CNNM4: variants seen among roughly 807,000 people sequenced by gnomAD.
CNNM4 encodes cyclin and CBS domain divalent metal cation transport mediator 4.
In CNNM4, 32 loss-of-function variants were observed where a neutral mutation model predicts 53.7. That is an observed-to-expected ratio of 0.60 (90% CI 0.45 to 0.80). The LOEUF (loss-of-function observed/expected upper bound fraction) is 0.80, where lower values mean the gene tolerates loss of function less well. Ranked by LOEUF, CNNM4 falls within the 30% of genes least tolerant of loss-of-function variation. The pLI is 0.00. For synonymous variants in CNNM4, 410 were observed against 440.0 expected (o/e 0.93, Z 0.85); for missense variants, 784 against 1,022.0 (o/e 0.77, Z 3.17).
Position 96,799,123 on chromosome 2 carries a change from A to C in CNNM4, c.1748A>C (p.Asp583Ala). 2 of 1,613,990 alleles carry C rather than the reference A, an allele frequency of 1.2e-6. No homozygotes were observed. The highest frequency in any genetic ancestry group is 1.7e-6 in the Non-Finnish European group (2 of 1,179,978). ...KILLRLLKYP[D>A]VIQELKFDEH... is the part of the protein sequence containing the mutation. ...CTGCTGCGGCTACTCAAGTACCCAG[A>C]TGTCATTCAGGAACTCAAGTTTGAC... Residue 583 changes from aspartate (D) to alanine (A), a missense_variant, in exon 4 of 7, where the codon GAT (aspartate) becomes GCT (alanine). This residue lies in a region of CNNM4 where 307 missense variants were observed against 376.3 expected (regional missense o/e 0.82). Transcript: ENST00000377075.
chr2:96,794,496 A>G (rs1000549607), intron 1 of CNNM4, among the ~76,000 whole-genome samples: 16 of 152,088 alleles, frequency 1.1e-4, no homozygotes, highest in Admixed American at 3.3e-4. Flanking sequence ...CTCTTTCACT[A>G]ATAGCGTATC....
At position 96,809,545 on chromosome 2, in the gene CNNM4, C is replaced by G. The variant is rs756548433; in HGVS notation, c.*28C>G. On this transcript the variant is annotated 3_prime_UTR_variant, in exon 7 of 7. Coordinates refer to ENST00000377075, the MANE Select transcript of CNNM4 (RefSeq NM_020184.4). ...GGAGGGCCCGGGGCCCCCTGCCCACCCTGCGGGGGCCTCCCCAGTGGGCCC... is the reference window on the plus strand; with the variant it reads ...GGAGGGCCCGGGGCCCCCTGCCCACGCTGCGGGGGCCTCCCCAGTGGGCCC... The G allele has an allele frequency of 6.2e-7, 1 of 1,600,994 alleles. No individual in the cohort carries two copies. Among genetic ancestry groups the G allele is most frequent in the South Asian group, 1.1e-5 (1 of 90,734 alleles).
At chr2:96,788,354 C>T (rs1473733014) in intron 1 of CNNM4, among the ~76,000 whole-genome samples, 1 of 151,138 alleles carries the variant, frequency 6.6e-6, no homozygotes, top group African/African-American at 2.4e-5. Flanking sequence ...GCCTTCTGGT[C>T]TTCTGGCCTT....
In CNNM4 at chr2:96,809,344, G is replaced by C. The variant is rs777947656; in HGVS notation, c.2155G>C (p.Gly719Arg). The change falls in exon 7 of 7, where the codon GGG becomes CGG. Residue 719 changes from glycine to arginine, a missense_variant. Around this residue, in one of 3 missense-constraint regions of CNNM4, gnomAD observed 307 missense variants for 376.3 expected, o/e 0.82. Transcript: ENST00000377075. ...IKITRQQYQNGLLASRMENSP... is the reference protein window; with the variant it reads ...IKITRQQYQNRLLASRMENSP... ...GATCACTCGGCAGCAGTACCAGAAC[G>C]GGCTGCTGGCTTCTCGCATGGAGAA... 2 of 1,614,106 alleles carry C rather than the reference G, an allele frequency of 1.2e-6. No individual in the cohort carries two copies. The highest frequency in any genetic ancestry group is 1.7e-6 in the Non-Finnish European group (2 of 1,179,988).
At position 96,808,642 on chromosome 2, in the gene CNNM4, C is replaced by A. The variant is rs750449161; in HGVS notation, c.2030C>A (p.Ala677Glu). 5 of 1,614,078 alleles carry A rather than the reference C, an allele frequency of 3.1e-6. No homozygotes were observed. Among genetic ancestry groups the A allele is most frequent in the Non-Finnish European group, 4.2e-6 (5 of 1,180,040 alleles). ...YPDRTDVSTAATLAGSSNQFG... is the reference protein window; with the variant it reads ...YPDRTDVSTAETLAGSSNQFG... ...GACCGCACAGACGTCTCAACTGCAG[C>A]AACCTTGGCAGGCAGCAGCAACCAG... Residue 677 changes from alanine (A) to glutamate (E), a missense_variant, in exon 6 of 7, where the codon GCA (alanine) becomes GAA (glutamate). Physicochemically the swap from Ala to Glu is moderately radical, Grantham distance 107 (BLOSUM62 -1). Around this residue, in one of 3 missense-constraint regions of CNNM4, gnomAD observed 307 missense variants for 376.3 expected, o/e 0.82. Transcript: ENST00000377075. This position sits in a 1 kb window ranked among gnomAD's most constrained non-coding sequence, Gnocchi z 4.9.
chr2:96,768,257 C>A lies in CNNM4; in HGVS notation c.1402+5856C>A, dbSNP rs1294725509. Among the ~76,000 whole-genome samples, 3 of 152,158 alleles carry A rather than the reference C, an allele frequency of 2.0e-5. No individual in the cohort carries two copies. In the East Asian group the frequency reaches 5.8e-4, roughly 29 times the overall value. On this transcript the variant is annotated intron_variant, in intron 1 of 6. Coordinates refer to ENST00000377075, the MANE Select transcript of CNNM4 (RefSeq NM_020184.4). ...ACCTTAAGTAACTTATCCTCCACAC[C>A]CCACCCTCCCATCCGCACCTGCTTA...
chr2:96,796,944 T>G, intron 1 of CNNM4, 68 bp from the exon 2 acceptor site: 1 of 1,527,750 alleles, frequency 6.5e-7, no homozygotes, highest in Non-Finnish European at 9.0e-7. Flanking sequence ...CTAGAGTTAA[T>G]GTTTTGGTTG....
chr2:96,762,139 C>T lies in CNNM4; in HGVS notation c.1140C>T (p.Leu380=), dbSNP rs755309749. Residue 380 remains leucine, a synonymous_variant, in exon 1 of 7, where the codon CTC becomes CTT. Coordinates refer to ENST00000377075, the MANE Select transcript of CNNM4 (RefSeq NM_020184.4). ...TKTVEDIMTQ[L]QDCFMIRSDA... ...CTGTAGAGGATATCATGACCCAGCTCCAGGACTGCTTCATGATCCGCAGCG... is the reference window on the plus strand; with the variant it reads ...CTGTAGAGGATATCATGACCCAGCTTCAGGACTGCTTCATGATCCGCAGCG... The T allele has an allele frequency of 4.3e-6, 7 of 1,614,146 alleles. No homozygotes were observed. The highest frequency in any genetic ancestry group is 1.1e-5 in the South Asian group (1 of 91,078).
At chr2:96,807,419 T>C (rs2079219297) in intron 5 of CNNM4, among the ~76,000 whole-genome samples, 1 of 151,416 alleles carries the variant, frequency 6.6e-6, no homozygotes, top group Non-Finnish European at 1.5e-5. Context: ...AGTCATAAGA[T>C]CGAGACCATC....
In CNNM4 at chr2:96,811,870, A is replaced by T. The variant is rs948819438; in HGVS notation, c.*2353A>T. 1.3e-5 allele frequency: 2 copies of T among 152,576 alleles called. No homozygotes were observed. The highest frequency in any genetic ancestry group is 4.8e-5 in the African/African-American group (2 of 41,456). 9.5% of individuals were successfully genotyped at this position (152,576 alleles called of 1,614,324 possible). On this transcript the variant is annotated 3_prime_UTR_variant, in exon 7 of 7. Coordinates refer to ENST00000377075, the MANE Select transcript of CNNM4 (RefSeq NM_020184.4). ...ATTGGTAATAAAAAATCAAATATGT[A>T]TAAATCCTGGTGAATCTACAACTTG...
At chr2:96,769,064 A>C (rs1281200873) in intron 1 of CNNM4, among the ~76,000 whole-genome samples, 3 of 152,088 alleles carry the variant, frequency 2.0e-5, no homozygotes, top group African/African-American at 7.2e-5. Context: ...ATCCTGGCTA[A>C]CACGGTAAAA....
chr2:96,780,581 A>G (rs924456337), intron 1 of CNNM4, among the ~76,000 whole-genome samples: 5 of 152,064 alleles, frequency 3.3e-5, no homozygotes, highest in African/African-American at 1.2e-4. Flanking sequence ...CTGCTAACCA[A>G]CAGACTCTGT....
chr2:96,802,631 A>G (rs1212468466), intron 5 of CNNM4, among the ~76,000 whole-genome samples: 5 of 152,252 alleles, frequency 3.3e-5, no homozygotes, highest in Non-Finnish European at 5.9e-5. Context: ...TACCCCCTTC[A>G]TAAGAGTTAT....
chr2:96,793,430 A>T (rs2079078388), intron 1 of CNNM4, among the ~76,000 whole-genome samples: 3 of 152,222 alleles, frequency 2.0e-5, no homozygotes, highest in Admixed American at 2.0e-4. Context: ...CCAGTTGGCC[A>T]GCCATCAGGC....
intron 5 of CNNM4, among the ~76,000 whole-genome samples, chr2:96,802,249 A>G (rs1399621806): frequency 6.6e-6 from 1 of 152,184 alleles, no homozygotes; most frequent in Non-Finnish European, 1.5e-5. Context: ...CCACAGACAC[A>G]CACACATGCA....
intron 1 of CNNM4, among the ~76,000 whole-genome samples, chr2:96,786,194 A>T (rs2079014933): frequency 6.6e-6 from 1 of 152,122 alleles, no homozygotes; most frequent in South Asian, 2.1e-4. Context: ...AGGTGGGTGG[A>T]TCACCTGAGG....
chr2:96,772,681 A>T (rs1432386928), intron 1 of CNNM4, among the ~76,000 whole-genome samples: 1 of 99,028 alleles, frequency 1.0e-5, no homozygotes, highest in African/African-American at 4.1e-5. Flanking sequence ...ACACACACAC[A>T]CTCATACCCC....
chr2:96,811,276 C>T lies in CNNM4; in HGVS notation c.*1759C>T, dbSNP rs549449886. 6.6e-6 allele frequency: 1 copy of T among 152,348 alleles called. No individual in the cohort carries two copies. The highest frequency in any genetic ancestry group is 6.5e-5 in the Admixed American group (1 of 15,304). The allele number at this position is 152,348 out of a possible 1,614,324, so 9.4% of individuals were successfully genotyped here. ...ACTTTTGTTCCCTAGTGGGGGAAAG[C>T]CCTTAGTCTTGTACAGGAGCAGCTT... is the stretch of plus-strand genomic sequence containing the variant. On this transcript the variant is annotated 3_prime_UTR_variant, in exon 7 of 7. Transcript: ENST00000377075.
chr2:96,799,274 C>T lies in CNNM4; in HGVS notation c.1851+48C>T, dbSNP rs376053379. The T allele has an allele frequency of 3.1e-6, 5 of 1,604,826 alleles. No individual in the cohort carries two copies. The East Asian group carries it at 6.7e-5, about 21-fold the overall frequency. On this transcript the variant is annotated intron_variant, in intron 4 of 6. Coordinates refer to ENST00000377075, the MANE Select transcript of CNNM4 (RefSeq NM_020184.4). ...CTGCCACCTGCTCCCCCTGGCACTG[C>T]AGCAACCCCCAGGCCCTCTCTCCCA...
Sources: gnomAD v4.1 joint callset for allele counts (sites outside exome capture counted in the v4.1 genomes callset) on GRCh38, gnomAD v4.1.1 for gene constraint, gnomAD v4.1.1 regional missense constraint, Gnocchi (gnomAD v3.1) non-coding constraint, MANE v1.5 for transcripts, NCBI Gene and HGNC (gene_info 2026-07-23, HGNC 2026-07-21) for gene names.